Variants in LPXN observed in about 807,000 individuals in gnomAD.
The protein encoded by LPXN is leupaxin.
Under a neutral mutation model 45.6 loss-of-function variants are expected in LPXN, and 28 were observed. The observed-to-expected ratio is 0.61, with a 90% CI of 0.45 to 0.84. The LOEUF (loss-of-function observed/expected upper bound fraction) is 0.84, where lower values mean the gene tolerates loss of function less well. LPXN is among the 40% of genes least tolerant of loss of function. LPXN has a pLI of 0.00. For synonymous variants in LPXN, 166 were observed against 169.9 expected, an observed-to-expected ratio of 0.98 and a Z score of 0.18; for missense variants, 459 against 475.0, an observed-to-expected ratio of 0.97 and a Z score of 0.31.
At position 58,551,056 on chromosome 11, in the gene LPXN, C is replaced by A; in HGVS notation, c.486+9G>T. On this transcript the variant is annotated intron_variant, in intron 5 of 8. Coordinates refer to ENST00000395074, the MANE Select transcript of LPXN (RefSeq NM_004811.3). Reference sequence around the variant, plus strand: ...AAGGCTGTAGGACCAAAATTTCAGCCCATCTCACCTTCCCAGCAATCGGTT... The same window carrying A: ...AAGGCTGTAGGACCAAAATTTCAGCACATCTCACCTTCCCAGCAATCGGTT... The A allele has an allele frequency of 6.5e-7, 1 of 1,545,164 alleles. No individual in the cohort carries two copies. Among genetic ancestry groups the A allele is most frequent in the Admixed American group, 2.0e-5 (1 of 49,490 alleles).
rs1853285702 is a variant in LPXN, at chr11:58,528,184, A to G, written c.750T>C (p.His250=). ...CGEVFGAEGF[H]EKDKKPYCRK... ...GGCAATATGGCTTCTTGTCCTTCTC[A>G]TGAAAGCCTGGAGAGATAAAATCAG... Residue 250 remains histidine, a synonymous_variant, in exon 8 of 9, where the codon CAT becomes CAC. Transcript: ENST00000395074. 6.2e-7 allele frequency: 1 copy of G among 1,614,072 alleles called. No individual in the cohort carries two copies. Among genetic ancestry groups the G allele is most frequent in the Admixed American group, 1.7e-5 (1 of 60,030 alleles).
intron 2 of LPXN, among the ~76,000 whole-genome samples, chr11:58,567,169 T>C (rs1051897287): frequency 1.3e-5 from 2 of 152,220 alleles, no homozygotes; most frequent in African/African-American, 4.8e-5. Flanking sequence ...GCTTGTTAAC[T>C]TGGTAAGAAC....
At chr11:58,576,886 C>T (rs1283417914), upstream of LPXN, among the ~76,000 whole-genome samples, 2 of 152,188 alleles carry the variant, frequency 1.3e-5, no homozygotes, top group East Asian at 1.9e-4. Flanking sequence ...AAGCGATTTG[C>T]CCTTCTCAGC....
intron 3 of LPXN, among the ~76,000 whole-genome samples, chr11:58,563,054 G>A (rs1328489810): frequency 1.3e-5 from 2 of 152,180 alleles, no homozygotes; most frequent in Non-Finnish European, 2.9e-5. Context: ...AATAATCACA[G>A]TGCCAGATAT....
chr11:58,550,935 G>T, intron 5 of LPXN, 130 bp downstream of exon 5: 1 of 808,702 alleles, frequency 1.2e-6, no homozygotes, highest in Non-Finnish European at 1.8e-6. Context: ...TCAGTGGCCA[G>T]AGCACTGTAA....
intron 7 of LPXN, among the ~76,000 whole-genome samples, chr11:58,538,343 G>A (rs960240290): frequency 1.1e-4 from 16 of 151,908 alleles, no homozygotes; most frequent in South Asian, 2.1e-4. Flanking sequence ...CTGAGGAATC[G>A]CCACACTGAC....
intron 2 of LPXN, among the ~76,000 whole-genome samples, chr11:58,565,347 C>G (rs1343053595): frequency 3.9e-5 from 6 of 152,104 alleles, no homozygotes; most frequent in African/African-American, 1.4e-4. Flanking sequence ...TCACGGCTAA[C>G]ATGGTGAAAC....
chr11:58,548,189 T>C lies in LPXN; in HGVS notation c.742+1597A>G, dbSNP rs1853932000. 3.3e-5 allele frequency among the ~76,000 whole-genome samples: 5 copies of C among 152,202 alleles called. No individual in the cohort carries two copies. In the South Asian group the frequency reaches 8.3e-4, roughly 25 times the overall value. The stretch of plus-strand genomic sequence containing the variant: ...GACAGAATAAAAATATTTTCAGATA[T>C]TCAAGTTCTCAAAAATTCTTTCTCA... On this transcript the variant is annotated intron_variant, in intron 7 of 8. Coordinates refer to ENST00000395074, the MANE Select transcript of LPXN (RefSeq NM_004811.3).
chr11:58,542,047 G>T (rs1853741697), intron 7 of LPXN, among the ~76,000 whole-genome samples: 1 of 151,756 alleles, frequency 6.6e-6, no homozygotes, highest in Admixed American at 6.6e-5. Context: ...TTGTGGGGTG[G>T]GGGGAGTGGG....
chr11:58,529,577 T>G (rs1305781388), intron 7 of LPXN, among the ~76,000 whole-genome samples: 5 of 142,382 alleles, frequency 3.5e-5, no homozygotes, highest in Non-Finnish European at 6.0e-5. Context: ...ACCACTGCAC[T>G]CCAGCCTGGG....
chr11:58,538,077 C>A (rs1026088588), intron 7 of LPXN, among the ~76,000 whole-genome samples: 23 of 151,994 alleles, frequency 1.5e-4, no homozygotes, highest in African/African-American at 5.1e-4. Flanking sequence ...CCAATTTCAT[C>A]CATGTCCCTA....
intron 3 of LPXN, among the ~76,000 whole-genome samples, chr11:58,559,127 T>C (rs887790313): frequency 6.6e-6 from 1 of 152,082 alleles, no homozygotes; most frequent in Non-Finnish European, 1.5e-5. Flanking sequence ...AAATTTGCAA[T>C]TTAAAGCAAT....
At chr11:58,529,285 A>G (rs1250363952) in intron 7 of LPXN, among the ~76,000 whole-genome samples, 1 of 152,190 alleles carries the variant, frequency 6.6e-6, no homozygotes, top group Non-Finnish European at 1.5e-5. Context: ...GAGTATATGT[A>G]TGGTTTCAAC....
intron 7 of LPXN, among the ~76,000 whole-genome samples, chr11:58,528,840 T>C (rs1437189165): frequency 1.3e-5 from 2 of 152,188 alleles, no homozygotes; most frequent in African/African-American, 4.8e-5. Flanking sequence ...TATTCCTCCT[T>C]TTTTTATTTT....
intron 2 of LPXN, among the ~76,000 whole-genome samples, chr11:58,566,686 A>G (rs977613710): frequency 2.0e-5 from 3 of 152,170 alleles, no homozygotes; most frequent in Non-Finnish European, 4.4e-5. Flanking sequence ...GTAGGGAGAA[A>G]TTTGAGCTTC....
At chr11:58,534,270 G>A (rs974202884) in intron 7 of LPXN, among the ~76,000 whole-genome samples, 1 of 152,156 alleles carries the variant, frequency 6.6e-6, no homozygotes, top group African/African-American at 2.4e-5. Flanking sequence ...CTATGTAATT[G>A]TAAGTAAAAC....
chr11:58,537,391 C>G (rs1853583940), intron 7 of LPXN, among the ~76,000 whole-genome samples: 1 of 152,142 alleles, frequency 6.6e-6, no homozygotes, highest in Non-Finnish European at 1.5e-5. Context: ...AACCATCATT[C>G]TCAGCAAACT....
intron 7 of LPXN, among the ~76,000 whole-genome samples, chr11:58,541,905 T>C (rs988158109): frequency 3.3e-5 from 5 of 151,848 alleles, no homozygotes; most frequent in African/African-American, 9.7e-5. Context: ...ATGGATGAAA[T>C]TGGAAATCAT....
In LPXN at chr11:58,550,124, G is replaced by T. The variant is rs1854004135; in HGVS notation, c.509C>A (p.Ser170Ter). 1 of 1,614,078 alleles carries T rather than the reference G, an allele frequency of 6.2e-7. No homozygotes were observed. Among genetic ancestry groups the T allele is most frequent in the Admixed American group, 1.7e-5 (1 of 60,024 alleles). ...AGKVIHALGQ[S>*]WHPEHFVCTH... ...ACAGACAAAATGCTCAGGATGCCAT[G>T]ATTGCCCTAGAGCATGGATCACCTG... Residue 170 changes from serine (S) to a stop codon, truncating the protein, a stop_gained, in exon 6 of 9, where the codon TCA (serine) becomes TAA (stop). Coordinates refer to ENST00000395074, the MANE Select transcript of LPXN (RefSeq NM_004811.3). LOFTEE classifies it high-confidence loss of function.
Sources: gnomAD v4.1 joint callset for allele counts (sites outside exome capture counted in the v4.1 genomes callset) on GRCh38, gnomAD v4.1.1 for gene constraint, MANE v1.5 for transcripts, NCBI Gene and HGNC (gene_info 2026-07-23, HGNC 2026-07-21) for gene names.